Variants in SATB2 observed in about 807,000 individuals in gnomAD.
SATB2 encodes SATB homeobox 2.
A neutral mutation model predicts 73.4 loss-of-function variants in SATB2; 1 was observed. The ratio of observed to expected loss-of-function variants is 0.01; its 90% CI spans 0.00 to 0.06. The LOEUF (loss-of-function observed/expected upper bound fraction) is 0.06, where lower values mean the gene tolerates loss of function less well. Ranked by LOEUF, SATB2 falls within the 10% of genes least tolerant of loss-of-function variation. The pLI is 1.00. For synonymous variants in SATB2, 397 were observed against 367.0 expected, an observed-to-expected ratio of 1.08 and a Z score of -0.93; for missense variants, 459 against 945.8, an observed-to-expected ratio of 0.49 and a Z score of 6.75.
At chr2:199,454,024 GATA>G (rs887251480) in intron 2 of SATB2, among the ~76,000 whole-genome samples, 16 of 151,998 alleles carry the variant, frequency 1.1e-4, no homozygotes, top group African/African-American at 2.9e-4. Context: ...TCTTCACCAA[GATA>G]ATAATTTTAG....
At chr2:199,379,101 G>A (rs1689689455) in intron 5 of SATB2, among the ~76,000 whole-genome samples, 1 of 152,164 alleles carries the variant, frequency 6.6e-6, no homozygotes, top group South Asian at 2.1e-4. Flanking sequence ...AGCTTTAGAT[G>A]ATTTGTCAAC....
intron 10 of SATB2, among the ~76,000 whole-genome samples, chr2:199,277,685 T>C (rs193259528): frequency 3.0e-4 from 45 of 152,344 alleles, no homozygotes; most frequent in African/African-American, 1.1e-3. Flanking sequence ...ATGAAATATC[T>C]AAGTAGCTTT....
intron 10 of SATB2, among the ~76,000 whole-genome samples, chr2:199,282,019 C>T (rs1481253483): frequency 1.3e-5 from 2 of 151,656 alleles, no homozygotes; most frequent in African/African-American, 4.8e-5. Flanking sequence ...GTAGCTGGGA[C>T]TACAGGTGCC....
Position 199,308,888 on chromosome 2 carries a change from G to C in SATB2, c.1612C>G (p.Leu538Val). Residue 538 changes from leucine to valine, a missense_variant, in exon 10 of 11, where the codon CTC (leucine) becomes GTC (valine). By Grantham distance (32) the Leu-to-Val change is conservative. Coordinates refer to ENST00000417098, the MANE Select transcript of SATB2 (RefSeq NM_001172509.2). This position sits in a 1 kb window ranked among gnomAD's most constrained non-coding sequence, Gnocchi z 4.6. Reference protein sequence around the residue: ...SPENRTLWENLCTIRRFLNLP... With the variant: ...SPENRTLWENVCTIRRFLNLP... The stretch of plus-strand genomic sequence containing the variant: ...TTCAGGAAGCGACGGATGGTACAGA[G>C]GTTTTCCCAGAGGGTGCGGTTTTCT... The C allele has an allele frequency of 6.2e-7, 1 of 1,614,176 alleles. No individual in the cohort carries two copies. Among genetic ancestry groups the C allele is most frequent in the Non-Finnish European group, 8.5e-7 (1 of 1,180,028 alleles).
intron 5 of SATB2, among the ~76,000 whole-genome samples, chr2:199,373,566 C>G (rs1292670974): frequency 6.6e-6 from 1 of 151,694 alleles, no homozygotes; most frequent in Non-Finnish European, 1.5e-5. Context: ...GCTTGCTTCT[C>G]TAATGTCAGC....
chr2:199,339,876 G>C (rs1688453631), intron 7 of SATB2, among the ~76,000 whole-genome samples: 1 of 152,136 alleles, frequency 6.6e-6, no homozygotes, highest in African/African-American at 2.4e-5. Context: ...CTGAAGCTCA[G>C]ACTCCCAAAT....
chr2:199,326,063 A>G (rs1479030389), intron 8 of SATB2: 1 of 152,140 alleles, frequency 6.6e-6, no homozygotes, highest in Non-Finnish European at 1.5e-5. Context: ...GCTTGTGTGC[A>G]CTAAATTGCT....
intron 3 of SATB2, among the ~76,000 whole-genome samples, chr2:199,412,679 T>C (rs1212690816): frequency 1.3e-5 from 2 of 151,900 alleles, no homozygotes; most frequent in East Asian, 3.9e-4. Context: ...TGGACACATA[T>C]GAACCAGTCT....
intron 8 of SATB2, chr2:199,326,094 G>A (rs550289879): frequency 6.6e-6 from 1 of 152,240 alleles, no homozygotes; most frequent in South Asian, 2.1e-4. Flanking sequence ...AAAAGGCTGA[G>A]TCAGTGAGTA....
chr2:199,395,076 A>G (rs1415768789), intron 3 of SATB2, among the ~76,000 whole-genome samples: 1 of 151,946 alleles, frequency 6.6e-6, no homozygotes, highest in Non-Finnish European at 1.5e-5. Context: ...GATTTCCTTC[A>G]TGTCTAATTT....
chr2:199,445,154 C>T (rs1200445428), intron 2 of SATB2, among the ~76,000 whole-genome samples: 1 of 152,170 alleles, frequency 6.6e-6, no homozygotes, highest in East Asian at 1.9e-4. Context: ...AAATATCAAA[C>T]ACAAACCTAC....
intron 5 of SATB2, among the ~76,000 whole-genome samples, chr2:199,374,631 A>G (rs1308662370): frequency 6.6e-6 from 1 of 152,232 alleles, no homozygotes; most frequent in Non-Finnish European, 1.5e-5. Context: ...GAGATGGAGC[A>G]CATTGGAAGT....
chr2:199,297,185 T>C (rs1687134066), intron 10 of SATB2, among the ~76,000 whole-genome samples: 1 of 152,234 alleles, frequency 6.6e-6, no homozygotes, highest in Non-Finnish European at 1.5e-5. Flanking sequence ...TATAAAGCCA[T>C]GACTTGTTAC....
rs534723072 is a variant in SATB2, at chr2:199,352,800, GA to G, written c.701-3628del. Reference sequence around the variant, plus strand: ...TTGTCATTTCTTTAGATTTTTTTTTGAAAAACAAAAAATCTGGATTTTACAT... The same window carrying G: ...TTGTCATTTCTTTAGATTTTTTTTTGAAAACAAAAAATCTGGATTTTACAT... On this transcript the variant is annotated intron_variant, in intron 6 of 10. Coordinates refer to ENST00000417098, the MANE Select transcript of SATB2 (RefSeq NM_001172509.2). Among the ~76,000 whole-genome samples the G allele has an allele frequency of 9.3e-3, 1,402 of 150,960 alleles. 10 individuals are homozygous for G. The highest frequency in any genetic ancestry group is 0.014 in the Non-Finnish European group (962 of 67,676).
intron 8 of SATB2, among the ~76,000 whole-genome samples, chr2:199,326,511 C>T (rs1314903076): frequency 1.3e-5 from 2 of 151,854 alleles, no homozygotes; most frequent in South Asian, 2.1e-4. Context: ...AAGGTGCCTA[C>T]GATATATAAT....
intron 9 of SATB2, among the ~76,000 whole-genome samples, chr2:199,315,154 C>T (rs1430510572): frequency 6.6e-6 from 1 of 151,994 alleles, no homozygotes; most frequent in African/African-American, 2.4e-5. Flanking sequence ...ATCATTTTAA[C>T]CACTTTCTTT....
intron 9 of SATB2, among the ~76,000 whole-genome samples, chr2:199,322,874 C>T (rs558985828): frequency 6.6e-6 from 1 of 152,172 alleles, no homozygotes; most frequent in African/African-American, 2.4e-5. Context: ...GATGATCAAC[C>T]ATTTGATTAT....
chr2:199,452,279 C>T (rs1692146896), intron 2 of SATB2, among the ~76,000 whole-genome samples: 2 of 152,048 alleles, frequency 1.3e-5, no homozygotes. Flanking sequence ...AATGAAAATG[C>T]TTGTGTTAAC....
chr2:199,320,062 A>G (rs745695987), intron 9 of SATB2, among the ~76,000 whole-genome samples: 5 of 152,136 alleles, frequency 3.3e-5, no homozygotes, highest in African/African-American at 4.8e-5. Flanking sequence ...GCGGCCCTAC[A>G]GAATCTGCAG....
Sources: allele counts gnomAD v4.1 joint callset (sites outside exome capture counted in the v4.1 genomes callset), GRCh38; gene constraint gnomAD v4.1.1; non-coding constraint Gnocchi (gnomAD v3.1); transcripts MANE v1.5; gene names NCBI Gene and HGNC (gene_info 2026-07-23, HGNC 2026-07-21).